The following FGR variants were observed in gnomAD, a reference collection of about 807,000 sequenced individuals.
FGR encodes FGR proto-oncogene, Src family tyrosine kinase.
Under a neutral mutation model 63.2 loss-of-function variants are expected in FGR, and 26 were observed. The observed-to-expected ratio is 0.41, with a 90% CI of 0.30 to 0.57. The LOEUF (loss-of-function observed/expected upper bound fraction) is 0.57, where lower values mean the gene tolerates loss of function less well. Among genes scored for constraint, FGR ranks in the 20% least tolerant of loss-of-function variants. The probability of loss-of-function intolerance (pLI) is 0.27; values close to 1 mark genes in which losing one functional copy is unlikely to be tolerated. For synonymous variants in FGR, 286 were observed against 277.7 expected, an observed-to-expected ratio of 1.03 and a Z score of -0.30; for missense variants, 511 against 690.8, an observed-to-expected ratio of 0.74 and a Z score of 2.92.
rs2089929277 is a variant in FGR, at chr1:27,621,661, T to C, written c.330-4A>G. ...AGCCTCCCACCAGTCACCTTCACTG[T>C]AGGCACAGAACAGGGCATGGTCAGC... On this transcript the variant is annotated splice_region_variant and splice_polypyrimidine_tract_variant and intron_variant, in intron 4 of 12. Transcript: ENST00000374005. 6.2e-7 allele frequency: 1 copy of C among 1,611,802 alleles called. No individual in the cohort carries two copies. Among genetic ancestry groups the C allele is most frequent in the African/African-American group, 1.3e-5 (1 of 74,832 alleles).
chr1:27,629,751 G>A (rs1284398560), intron 1 of FGR, among the ~76,000 whole-genome samples: 1 of 152,182 alleles, frequency 6.6e-6, no homozygotes, highest in East Asian at 1.9e-4. Flanking sequence ...CCCAGTCATG[G>A]TCTTATTTGG....
At position 27,617,776 on chromosome 1, in the gene FGR, TTTGGCCTCCAGAGCA is replaced by T. The variant is rs1285094782; in HGVS notation, c.429-495_429-481del. Among the ~76,000 whole-genome samples the T allele has an allele frequency of 6.6e-6, 1 of 152,182 alleles. No individual in the cohort carries two copies. Among genetic ancestry groups the T allele is most frequent in the African/African-American group, 2.4e-5 (1 of 41,432 alleles). ...CCTCCACCTCCAAACTCTTTCCTCC[TTTGGCCTCCAGAGCA>T]GCACAGTCTCCTGCTTCTCTTCTCT... On this transcript the variant is annotated intron_variant, in intron 5 of 12. Transcript: ENST00000374005. The surrounding 1 kb of genome is among the most constrained non-coding windows in gnomAD (Gnocchi z 4.5).
intron 5 of FGR, among the ~76,000 whole-genome samples, chr1:27,618,476 G>T (rs563106797): frequency 5.9e-5 from 9 of 152,208 alleles, no homozygotes; most frequent in Admixed American, 3.3e-4. Flanking sequence ...TAGGGCCTGT[G>T]CTCCTAACCA....
rs768843133 is a variant in FGR, at chr1:27,613,019, C to T, written c.1485G>A (p.Trp495Ter). The T allele has an allele frequency of 6.2e-7, 1 of 1,614,220 alleles. No homozygotes were observed. Among genetic ancestry groups the T allele is most frequent in the Non-Finnish European group, 8.5e-7 (1 of 1,180,032 alleles). Residue 495 changes from tryptophan (W) to a stop codon, truncating the protein, a stop_gained, in exon 13 of 13, where the codon TGG (tryptophan) becomes TGA (stop). Coordinates refer to ENST00000374005, the MANE Select transcript of FGR (RefSeq NM_005248.3). LOFTEE classifies it high-confidence loss of function. ...ASLYEAMEQT[W>*]RLDPEERPTF... ...TAGGCCTCTCCTCCGGGTCCAGACG[C>T]CAGGTCTGTTCCATGGCCTCGTACA...
At chr1:27,621,327 C>T (rs1019801152) in intron 5 of FGR, among the ~76,000 whole-genome samples, 1 of 152,154 alleles carries the variant, frequency 6.6e-6, no homozygotes, top group Non-Finnish European at 1.5e-5. Context: ...AATTTCTAAC[C>T]CCGTTAATAC....
chr1:27,619,097 AG>A (rs2089871942), intron 5 of FGR, among the ~76,000 whole-genome samples: 1 of 152,188 alleles, frequency 6.6e-6, no homozygotes, highest in Non-Finnish European at 1.5e-5. Context: ...TTCTCCTTCG[AG>A]GGCAGCTTTC....
Position 27,616,753 on chromosome 1 carries a change from G to C in FGR, c.682+104C>G, listed in dbSNP as rs1447852845. The C allele has an allele frequency of 1.5e-6, 2 of 1,299,086 alleles. No homozygotes were observed. The highest frequency in any genetic ancestry group is 2.2e-6 in the Non-Finnish European group (2 of 910,940). 80.5% of individuals were successfully genotyped at this position (1,299,086 alleles called of 1,614,324 possible). A position where few individuals can be genotyped will look rare whatever the true frequency, so the allele number is the denominator to read the frequency against. On this transcript the variant is annotated intron_variant, in intron 7 of 12. Transcript: ENST00000374005. This position sits in a 1 kb window ranked among gnomAD's most constrained non-coding sequence, Gnocchi z 4.3. ...CATCCTTGGGTTCTGGTTTCCGTCT[G>C]GCCAATACTGCTTGGTAGTCCCTTC...
intron 1 of FGR, among the ~76,000 whole-genome samples, chr1:27,627,293 CCTTCT>C (rs1178738438): frequency 6.6e-6 from 1 of 152,086 alleles, no homozygotes; most frequent in Non-Finnish European, 1.5e-5. Context: ...CCTTCAGACC[CCTTCT>C]CAGTTGGCAC....
rs1890462 is a variant in FGR, at chr1:27,627,516, G to T, written c.-76-2365C>A. On this transcript the variant is annotated intron_variant, in intron 1 of 12. Transcript: ENST00000374005. Reference sequence around the variant, plus strand: ...GAATAGCAAATACAAAATTTATAGCGCTTACTATATGCGCTGGCCACTGCA... The same window carrying T: ...GAATAGCAAATACAAAATTTATAGCTCTTACTATATGCGCTGGCCACTGCA... Among the ~76,000 whole-genome samples, 3 of 151,786 alleles carry T rather than the reference G, an allele frequency of 2.0e-5. No homozygotes were observed. The East Asian group carries it at 5.8e-4, about 29-fold the overall frequency.
At chr1:27,620,720 G>A (rs1046263644) in intron 5 of FGR, among the ~76,000 whole-genome samples, 8 of 150,652 alleles carry the variant, frequency 5.3e-5, no homozygotes, top group African/African-American at 2.0e-4. Flanking sequence ...GGTATTCAAT[G>A]AATGATAAAT....
chr1:27,633,411 A>G (rs2090134168), intron 1 of FGR, among the ~76,000 whole-genome samples: 3 of 152,216 alleles, frequency 2.0e-5, no homozygotes, highest in South Asian at 4.1e-4. Flanking sequence ...GGCCAACTGG[A>G]TGCAGCACCA....
intron 1 of FGR, among the ~76,000 whole-genome samples, chr1:27,631,985 A>G (rs1195847064): frequency 6.6e-6 from 1 of 151,820 alleles, no homozygotes; most frequent in East Asian, 1.9e-4. Flanking sequence ...ATCTCTCACT[A>G]GGCCCTATCC....
rs752070517 is a variant in FGR, at chr1:27,614,950, C to A, written c.1019-24G>T. 3.8e-6 allele frequency: 6 copies of A among 1,573,480 alleles called. No individual in the cohort carries two copies. In the Admixed American group the frequency reaches 1.1e-4, roughly 28 times the overall value. ...GCCTGGGAAGAAGCCAGAAAGTCAG[C>A]GGCAAAGCCCTACCCCGGGCCCCAG... On this transcript the variant is annotated intron_variant, in intron 9 of 12. Coordinates refer to ENST00000374005, the MANE Select transcript of FGR (RefSeq NM_005248.3).
At chr1:27,623,389 C>T (rs1463410421) in intron 3 of FGR, 14 of 597,008 alleles carry the variant, frequency 2.3e-5, no homozygotes, top group Non-Finnish European at 3.9e-5. Context: ...TCTTCCCCAC[C>T]AAGAAGACTT....
At chr1:27,629,106 G>A (rs1240929498) in intron 1 of FGR, among the ~76,000 whole-genome samples, 1 of 151,968 alleles carries the variant, frequency 6.6e-6, no homozygotes, top group African/African-American at 2.4e-5. Flanking sequence ...GAGAGATACA[G>A]GGAGATAAAG....
rs905078305 is a variant in FGR, at chr1:27,634,885, G to T, written c.-77+180C>A. On this transcript the variant is annotated intron_variant, in intron 1 of 12. Coordinates refer to ENST00000374005, the MANE Select transcript of FGR (RefSeq NM_005248.3). The stretch of plus-strand genomic sequence containing the variant: ...GTTTATCAGCCTTGCTTTTCAGGTC[G>T]CCCGTTTTCCTCCTTAGGCCTTTTC... Among the ~76,000 whole-genome samples the T allele has an allele frequency of 7.9e-4, 121 of 152,258 alleles. 1 individual carries two copies. The highest frequency in any genetic ancestry group is 2.4e-3 in the African/African-American group (101 of 41,540).
chr1:27,628,556 C>G (rs1470175712), intron 1 of FGR, among the ~76,000 whole-genome samples: 2 of 143,452 alleles, frequency 1.4e-5, no homozygotes, highest in African/African-American at 2.6e-5. Context: ...CACACACACA[C>G]AGATATACAC....
chr1:27,621,450 A>G, intron 5 of FGR, 109 bp downstream of exon 5: 1 of 729,632 alleles, frequency 1.4e-6, no homozygotes, highest in Non-Finnish European at 2.5e-6. Flanking sequence ...AAATTATTAG[A>G]TAAGGAGACA....
At chr1:27,626,492 T>A in intron 1 of FGR, 1 of 293,080 alleles carries the variant, frequency 3.4e-6, no homozygotes, top group Non-Finnish European at 6.3e-6. Flanking sequence ...ATCCACCAGG[T>A]CCAGTTGCCT....
Sources: allele counts gnomAD v4.1 joint callset (sites outside exome capture counted in the v4.1 genomes callset), GRCh38; gene constraint gnomAD v4.1.1; non-coding constraint Gnocchi (gnomAD v3.1); transcripts MANE v1.5; gene names NCBI Gene and HGNC (gene_info 2026-07-23, HGNC 2026-07-21).